PCDH11X: variants seen among roughly 807,000 people sequenced by gnomAD.
PCDH11X encodes the protein protocadherin-11 X-linked.
PCDH11X carries 18 observed loss-of-function variants against 53.3 expected under a neutral mutation model. The observed-to-expected ratio is 0.34, with a 90% CI of 0.23 to 0.50. The LOEUF (loss-of-function observed/expected upper bound fraction) is 0.50, where lower values mean the gene tolerates loss of function less well. PCDH11X is among the 20% of genes least tolerant of loss of function. The pLI, the probability that PCDH11X is intolerant of heterozygous loss-of-function variation, is 0.98. For synonymous variants in PCDH11X, 279 were observed against 393.3 expected, an observed-to-expected ratio of 0.71 and a Z score of 3.44; for missense variants, 570 against 1,032.4, an observed-to-expected ratio of 0.55 and a Z score of 6.14.
In PCDH11X at chrX:92,352,845, CCAGCA is replaced by C. The variant is rs74534540; in HGVS notation, c.3145-34886_3145-34882del. On this transcript the variant is annotated intron_variant, in intron 8 of 10. Coordinates refer to ENST00000682573, the MANE Select transcript of PCDH11X (RefSeq NM_032968.5). ...TCTTCAGGTCTCTCAGCTGTGAATA[CCAGCA>C]CAGTGTTTTGGTTGTCTCCCAGGTC... Among the ~76,000 whole-genome samples, 299 of 111,043 alleles carry C rather than the reference CCAGCA, an allele frequency of 2.7e-3. 6 individuals are homozygous for C. In the East Asian group the frequency reaches 0.05, roughly 19 times the overall value.
intron 6 of PCDH11X, among the ~76,000 whole-genome samples, chrX:92,023,657 TC>T: frequency 9.7e-6 from 1 of 102,990 alleles, no homozygotes; most frequent in South Asian, 4.9e-4. Context: ...CCTCCCTAAC[TC>T]ATTTTATGAG....
At chrX:92,080,031 G>C (rs1453409477) in intron 6 of PCDH11X, among the ~76,000 whole-genome samples, 2 of 111,422 alleles carry the variant, frequency 1.8e-5, no homozygotes, top group Admixed American at 9.6e-5. Context: ...TCATTATCTT[G>C]ATGGGCCAAT....
In PCDH11X at chrX:92,204,876, G is replaced by A. The variant is rs1375776100; in HGVS notation, c.3114+3421G>A. Among the ~76,000 whole-genome samples, 19 of 111,765 alleles carry A rather than the reference G, an allele frequency of 1.7e-4. No homozygotes were observed. In the Admixed American group the frequency reaches 1.8e-3, roughly 11 times the overall value. Reference sequence around the variant, plus strand: ...CATGGTGGAAGCCACCTGGTGGCAGGAGACAAAGTGAGTGCTGAGCGAAGG... The same window carrying A: ...CATGGTGGAAGCCACCTGGTGGCAGAAGACAAAGTGAGTGCTGAGCGAAGG... On this transcript the variant is annotated intron_variant, in intron 7 of 10. Coordinates refer to ENST00000682573, the MANE Select transcript of PCDH11X (RefSeq NM_032968.5).
At chrX:91,875,620 C>T (rs1258811044) in intron 5 of PCDH11X, among the ~76,000 whole-genome samples, 11 of 110,223 alleles carry the variant, frequency 1.0e-4, no homozygotes, top group Non-Finnish European at 1.7e-4. Context: ...TATTCCCATA[C>T]TGTGACTTCG....
intron 6 of PCDH11X, among the ~76,000 whole-genome samples, chrX:91,888,065 G>T (rs1163632963): frequency 9.0e-6 from 1 of 111,470 alleles, no homozygotes; most frequent in East Asian, 2.8e-4. Context: ...ATTTGCAACC[G>T]AAATTGTTTT....
chrX:92,137,544 A>G (rs756295249), intron 6 of PCDH11X, among the ~76,000 whole-genome samples: 1 of 111,752 alleles, frequency 8.9e-6, no homozygotes, highest in African/African-American at 3.2e-5. Flanking sequence ...GATATAAATC[A>G]CATACCATAC....
intron 6 of PCDH11X, among the ~76,000 whole-genome samples, chrX:92,001,987 C>T (rs1256666601): frequency 9.8e-6 from 1 of 102,342 alleles, no homozygotes; most frequent in Non-Finnish European, 2.0e-5. Context: ...AGACCAATAT[C>T]CTGGAGATTT....
At chrX:92,176,960 T>C (rs1433426188) in intron 6 of PCDH11X, among the ~76,000 whole-genome samples, 1 of 109,173 alleles carries the variant, frequency 9.2e-6, no homozygotes, top group African/African-American at 3.4e-5. Context: ...CGTAGTTTTT[T>C]TTTTTCTTTT....
chrX:92,163,105 G>A (rs1271981146), intron 6 of PCDH11X, among the ~76,000 whole-genome samples: 1 of 105,171 alleles, frequency 9.5e-6, no homozygotes, highest in African/African-American at 3.5e-5. Context: ...CAGTTTGTCA[G>A]GGAAGTAGGG....
At chrX:91,974,779 T>G (rs1191486332) in intron 6 of PCDH11X, among the ~76,000 whole-genome samples, 18 of 109,283 alleles carry the variant, frequency 1.6e-4, no homozygotes, top group African/African-American at 5.3e-4. Context: ...TTTGAGACAC[T>G]TTCACTCTTG....
chrX:92,412,341 A>T (rs1356589811), intron 9 of PCDH11X, among the ~76,000 whole-genome samples: 5 of 107,609 alleles, frequency 4.6e-5, no homozygotes, highest in Non-Finnish European at 9.6e-5. Context: ...CTCTCACTCT[A>T]TTGGCACCTG....
chrX:92,566,292 C>G (rs1024461468), intron 10 of PCDH11X, among the ~76,000 whole-genome samples: 8 of 108,560 alleles, frequency 7.4e-5, no homozygotes, highest in South Asian at 4.0e-4. Flanking sequence ...ATTAGATGAT[C>G]AAGTGAAATA....
chrX:92,225,842 G>A (rs2066960423), intron 7 of PCDH11X, among the ~76,000 whole-genome samples: 1 of 111,688 alleles, frequency 9.0e-6, no homozygotes, highest in Non-Finnish European at 1.9e-5. Flanking sequence ...AGCAAAGTAT[G>A]TCCTAATCAA....
intron 5 of PCDH11X, among the ~76,000 whole-genome samples, chrX:91,865,013 C>T (rs904795903): frequency 7.2e-5 from 8 of 110,945 alleles, no homozygotes; most frequent in Non-Finnish European, 1.3e-4. Flanking sequence ...AGGCTTTGTC[C>T]TGGGTGACTT....
chrX:92,293,480 CG>C (rs2068536616), intron 8 of PCDH11X, among the ~76,000 whole-genome samples: 1 of 109,423 alleles, frequency 9.1e-6, no homozygotes, highest in Admixed American at 9.8e-5. Flanking sequence ...AAAAATTAGC[CG>C]GGCGTGGTAG....
intron 5 of PCDH11X, among the ~76,000 whole-genome samples, chrX:91,852,681 T>G (rs1938098978): frequency 9.0e-6 from 1 of 111,336 alleles, no homozygotes; most frequent in African/African-American, 3.3e-5. Flanking sequence ...TGTGGGGTGG[T>G]GTGAGAGCTG....
intron 6 of PCDH11X, among the ~76,000 whole-genome samples, chrX:92,142,156 T>C (rs1010654308): frequency 4.8e-5 from 5 of 104,878 alleles, no homozygotes; most frequent in African/African-American, 1.5e-4. Flanking sequence ...ATTATTATTA[T>C]TATTTTTTTT....
At chrX:91,817,531 G>A (rs1226961116) in intron 4 of PCDH11X, among the ~76,000 whole-genome samples, 5 of 111,161 alleles carry the variant, frequency 4.5e-5, no homozygotes, top group Non-Finnish European at 9.4e-5. Context: ...GATTAGTACT[G>A]TCCAACAGAA....
At chrX:91,832,623 C>CCCTA (rs1463703308) in intron 4 of PCDH11X, among the ~76,000 whole-genome samples, 3 of 106,411 alleles carry the variant, frequency 2.8e-5, no homozygotes, top group African/African-American at 1.0e-4. Context: ...TGCACATGTA[C>CCCTA]CCTAGAACTT....
Sources: allele counts gnomAD v4.1 joint callset (sites outside exome capture counted in the v4.1 genomes callset), GRCh38; gene constraint gnomAD v4.1.1; transcripts MANE v1.5; gene names NCBI Gene and HGNC (gene_info 2026-07-23, HGNC 2026-07-21).